MAML3: variants seen among roughly 807,000 people sequenced by gnomAD.
The protein encoded by MAML3 is mastermind like transcriptional coactivator 3, also known as mastermind-like protein 3.
In MAML3, 27 loss-of-function variants were observed where a neutral mutation model predicts 101.9. The observed-to-expected ratio is 0.27, with a 90% CI of 0.20 to 0.37. The LOEUF (loss-of-function observed/expected upper bound fraction) is 0.37. Among genes scored for constraint, MAML3 ranks in the 10% least tolerant of loss-of-function variants. MAML3 has a pLI of 1.00. For missense variants in MAML3, 1,316 were observed against 1,444.9 expected (o/e 0.91, Z 1.45); for synonymous variants, 501 against 555.9 (o/e 0.90, Z 1.39).
At chr4:140,084,209 T>C (rs1287864205) in intron 1 of MAML3, among the ~76,000 whole-genome samples, 1 of 152,138 alleles carries the variant, frequency 6.6e-6, no homozygotes, top group Non-Finnish European at 1.5e-5. Flanking sequence ...TTTCTGAAAA[T>C]CTAAATTACT....
intron 1 of MAML3, among the ~76,000 whole-genome samples, chr4:139,986,155 C>T (rs369908570): frequency 5.9e-5 from 9 of 152,318 alleles, no homozygotes; most frequent in African/African-American, 1.4e-4. Flanking sequence ...TAAATACAAA[C>T]GGGTTTTTTC....
At chr4:139,746,926 T>C (rs1374178999) in intron 2 of MAML3, among the ~76,000 whole-genome samples, 1 of 152,148 alleles carries the variant, frequency 6.6e-6, no homozygotes, top group Non-Finnish European at 1.5e-5. Flanking sequence ...TGTCCTGGAC[T>C]AGGCCAGCTT....
rs114011777 is a variant in MAML3 at position 139,974,400 on chromosome 4, C to T, written c.469-83433G>A. Among the ~76,000 whole-genome samples the T allele has an allele frequency of 2.4e-3, 372 of 152,148 alleles. 1 individual carries two copies. The highest frequency in any genetic ancestry group is 3.3e-3 in the African/African-American group (138 of 41,524). ...GATTACAGGTGTAAGCCACCGCGCC[C>T]GGCCATTTAATTGAACTTAGTAAGT... On this transcript the variant is annotated intron_variant, in intron 1 of 4. Coordinates refer to ENST00000509479, the MANE Select transcript of MAML3 (RefSeq NM_018717.5).
intron 1 of MAML3, among the ~76,000 whole-genome samples, chr4:140,113,332 C>T (rs918695467): frequency 1.3e-5 from 2 of 151,896 alleles, no homozygotes; most frequent in African/African-American, 4.8e-5. Context: ...TAAAGCACGA[C>T]TATATGAAAT....
chr4:139,889,336 G>A (rs999981613), intron 2 of MAML3, 21 bp downstream of exon 2: 1 of 1,613,922 alleles, frequency 6.2e-7, no homozygotes, highest in Admixed American at 1.7e-5. Flanking sequence ...TGCTCGAAGA[G>A]TGTGTCACTT....
intron 1 of MAML3, among the ~76,000 whole-genome samples, chr4:140,112,958 C>T (rs984504587): frequency 6.6e-6 from 1 of 152,140 alleles, no homozygotes; most frequent in Non-Finnish European, 1.5e-5. Flanking sequence ...TTTGTAGGGC[C>T]TGAAGTCTAT....
At chr4:139,744,784 C>T (rs557883013) in intron 2 of MAML3, among the ~76,000 whole-genome samples, 1 of 152,126 alleles carries the variant, frequency 6.6e-6, no homozygotes, top group East Asian at 1.9e-4. Context: ...AAAGATGACA[C>T]CAGCTGGTCA....
intron 2 of MAML3, among the ~76,000 whole-genome samples, chr4:139,846,093 G>A (rs935654083): frequency 2.0e-5 from 3 of 152,046 alleles, no homozygotes; most frequent in Non-Finnish European, 2.9e-5. Context: ...CTTTCTCCTC[G>A]GCTTATGAGT....
At chr4:140,115,592 C>A (rs538782614) in intron 1 of MAML3, among the ~76,000 whole-genome samples, 165 of 152,224 alleles carry the variant, frequency 1.1e-3, no homozygotes, top group African/African-American at 3.8e-3. Flanking sequence ...TATTCAGAAG[C>A]AAGTGAGAGA....
chr4:139,852,771 C>T (rs1050652539), intron 2 of MAML3, among the ~76,000 whole-genome samples: 1 of 152,100 alleles, frequency 6.6e-6, no homozygotes, highest in Non-Finnish European at 1.5e-5. Context: ...TGTTAGTAAT[C>T]CATTCCAGGA....
chr4:139,829,955 T>A (rs980084222), intron 2 of MAML3, among the ~76,000 whole-genome samples: 2 of 152,184 alleles, frequency 1.3e-5, no homozygotes, highest in Admixed American at 6.5e-5. Flanking sequence ...ACGTAACGAA[T>A]AATGGAAGGA....
chr4:139,984,620 T>G (rs561306631), intron 1 of MAML3, among the ~76,000 whole-genome samples: 91 of 152,268 alleles, frequency 6.0e-4, no homozygotes, highest in African/African-American at 1.9e-3. Context: ...AGAACCAACA[T>G]GAGATTTATT....
chr4:140,067,245 G>A (rs1484017713), intron 1 of MAML3, among the ~76,000 whole-genome samples: 1 of 151,994 alleles, frequency 6.6e-6, no homozygotes, highest in Non-Finnish European at 1.5e-5. Context: ...AAGAAACAGA[G>A]AGAGAATAAG....
chr4:140,139,936 C>T (rs947775975), intron 1 of MAML3, among the ~76,000 whole-genome samples: 1 of 152,132 alleles, frequency 6.6e-6, no homozygotes, highest in African/African-American at 2.4e-5. Flanking sequence ...AGATGGCACT[C>T]CTCAGAGGGA....
chr4:140,000,038 C>A lies in MAML3; in HGVS notation c.469-109071G>T, dbSNP rs188912550. Among the ~76,000 whole-genome samples, 24 of 152,280 alleles carry A rather than the reference C, an allele frequency of 1.6e-4. No individual in the cohort carries two copies. In the East Asian group the frequency reaches 2.3e-3, roughly 15 times the overall value. On this transcript the variant is annotated intron_variant, in intron 1 of 4. Coordinates refer to ENST00000509479, the MANE Select transcript of MAML3 (RefSeq NM_018717.5). ...ATTAATGACCGTTTTTTAAAAGTCT[C>A]TCCCCCAAAACATCCAATTATAACT...
chr4:139,919,392 T>G (rs1733082846), intron 1 of MAML3, among the ~76,000 whole-genome samples: 1 of 152,236 alleles, frequency 6.6e-6, no homozygotes, highest in South Asian at 2.1e-4. Flanking sequence ...TCCCATTTTA[T>G]TTTGAACTGT....
At chr4:140,053,041 A>G (rs1727294370) in intron 1 of MAML3, among the ~76,000 whole-genome samples, 1 of 152,182 alleles carries the variant, frequency 6.6e-6, no homozygotes. Context: ...TATAGAGCTG[A>G]AAGAGGCCCA....
At chr4:140,145,570 T>G (rs1409306159) in intron 1 of MAML3, among the ~76,000 whole-genome samples, 1 of 152,070 alleles carries the variant, frequency 6.6e-6, no homozygotes, top group Non-Finnish European at 1.5e-5. Flanking sequence ...TGTTTTGTTT[T>G]GTTTTGTTTT....
intron 1 of MAML3, among the ~76,000 whole-genome samples, chr4:139,975,726 G>T (rs564221935): frequency 6.6e-6 from 1 of 152,126 alleles, no homozygotes; most frequent in East Asian, 1.9e-4. Context: ...TAATGAAAAA[G>T]GTGTGAAGTC....
Sources: allele counts gnomAD v4.1 joint callset (sites outside exome capture counted in the v4.1 genomes callset), GRCh38; gene constraint gnomAD v4.1.1; transcripts MANE v1.5; gene names NCBI Gene and HGNC (gene_info 2026-07-23, HGNC 2026-07-21).